Variants in LRMDA observed in about 807,000 individuals in gnomAD.
The protein encoded by LRMDA is leucine rich melanocyte differentiation associated.
In LRMDA, 18 loss-of-function variants were observed where a neutral mutation model predicts 29.8. The observed-to-expected ratio is 0.60, with a 90% CI of 0.42 to 0.90. LRMDA has a LOEUF of 0.90. LRMDA is among the 40% of genes least tolerant of loss of function. The pLI is 0.00. For missense variants in LRMDA, 273 were observed against 273.9 expected (o/e 1.00, Z 0.02); for synonymous variants, 125 against 109.4 (o/e 1.14, Z -0.89).
intron 6 of LRMDA, among the ~76,000 whole-genome samples, chr10:76,359,000 A>G (rs1306718205): frequency 6.6e-6 from 1 of 152,112 alleles, no homozygotes. Flanking sequence ...TCGGCAAGGG[A>G]CAGCATTCCT....
chr10:75,801,876 T>C (rs1396093081), intron 2 of LRMDA, among the ~76,000 whole-genome samples: 1 of 152,192 alleles, frequency 6.6e-6, no homozygotes, highest in Non-Finnish European at 1.5e-5. Context: ...TAAGAGATGA[T>C]GATGATTGAT....
chr10:75,608,108 G>GTA (rs1158936668), intron 2 of LRMDA, among the ~76,000 whole-genome samples: 7 of 88,442 alleles, frequency 7.9e-5, no homozygotes, highest in African/African-American at 1.7e-4. Flanking sequence ...ATTGTAGTGT[G>GTA]TGTATATATA....
intron 2 of LRMDA, among the ~76,000 whole-genome samples, chr10:75,600,895 C>T (rs1014849603): frequency 6.6e-6 from 1 of 152,208 alleles, no homozygotes; most frequent in African/African-American, 2.4e-5. Context: ...CCACCAAGTG[C>T]AGAGAAAATG....
chr10:76,356,266 T>C (rs1246099174), intron 6 of LRMDA, among the ~76,000 whole-genome samples: 1 of 152,164 alleles, frequency 6.6e-6, no homozygotes. Context: ...AATATAACCA[T>C]AGAACGCTAG....
At chr10:75,945,362 A>C (rs932572210) in intron 2 of LRMDA, among the ~76,000 whole-genome samples, 1 of 152,204 alleles carries the variant, frequency 6.6e-6, no homozygotes, top group African/African-American at 2.4e-5. Context: ...CAGACTTTGT[A>C]GCCTTACCCT....
intron 6 of LRMDA, among the ~76,000 whole-genome samples, chr10:76,410,626 A>G (rs2132507809): frequency 6.6e-6 from 1 of 151,908 alleles, no homozygotes; most frequent in African/African-American, 2.4e-5. Flanking sequence ...AAGAAGCTTT[A>G]GGCTGGAGAA....
In LRMDA at chr10:75,789,605, C is replaced by A. The variant is rs187411024; in HGVS notation, c.132-246403C>A. On this transcript the variant is annotated intron_variant, in intron 2 of 6. Coordinates refer to ENST00000611255, the MANE Select transcript of LRMDA (RefSeq NM_001305581.2). ...ATATTATAAATATATTTAAAATCAT[C>A]TTTATGACAATTCAGTTATGTTTCT... Among the ~76,000 whole-genome samples the A allele has an allele frequency of 8.1e-3, 1,236 of 152,294 alleles. 3 individuals are homozygous for A. Among genetic ancestry groups the A allele is most frequent in the Non-Finnish European group, 0.013 (855 of 68,030 alleles).
intron 5 of LRMDA, among the ~76,000 whole-genome samples, chr10:76,069,990 G>A (rs1274604790): frequency 2.6e-5 from 4 of 152,160 alleles, no homozygotes; most frequent in Non-Finnish European, 4.4e-5. Context: ...CCAAGTTTCA[G>A]GGTAATGTTT....
At chr10:76,096,830 C>T (rs1364196479) in intron 5 of LRMDA, among the ~76,000 whole-genome samples, 1 of 152,002 alleles carries the variant, frequency 6.6e-6, no homozygotes, top group East Asian at 1.9e-4. Context: ...TAGATTTGTA[C>T]ATAAATATTG....
chr10:76,024,235 G>T (rs1420395950), intron 2 of LRMDA, among the ~76,000 whole-genome samples: 1 of 152,300 alleles, frequency 6.6e-6, no homozygotes, highest in East Asian at 1.9e-4. Context: ...AACCAGAGAG[G>T]CAGACACAGA....
At chr10:76,237,316 A>T (rs1589388173) in intron 5 of LRMDA, among the ~76,000 whole-genome samples, 2 of 152,092 alleles carry the variant, frequency 1.3e-5, no homozygotes, top group South Asian at 2.1e-4. Context: ...CATAAAAATA[A>T]TTTTTCCCAC....
At chr10:75,594,041 T>C (rs149853246) in intron 2 of LRMDA, among the ~76,000 whole-genome samples, 26 of 152,328 alleles carry the variant, frequency 1.7e-4, no homozygotes, top group Non-Finnish European at 3.5e-4. Flanking sequence ...TTGGGTGAAG[T>C]TGGTCCTTTT....
intron 2 of LRMDA, among the ~76,000 whole-genome samples, chr10:75,620,072 G>T (rs1425469970): frequency 6.6e-6 from 1 of 152,166 alleles, no homozygotes; most frequent in Non-Finnish European, 1.5e-5. Flanking sequence ...TCCTGGGCAA[G>T]CACACTGCGA....
chr10:76,161,757 C>T (rs1407619020), intron 5 of LRMDA, among the ~76,000 whole-genome samples: 2 of 152,110 alleles, frequency 1.3e-5, no homozygotes, highest in African/African-American at 2.4e-5. Flanking sequence ...TGAAGGGGAA[C>T]AAGATAGACC....
chr10:76,555,461 CTAA>C (rs1280403439), intron 6 of LRMDA, among the ~76,000 whole-genome samples: 2 of 152,080 alleles, frequency 1.3e-5, no homozygotes, highest in African/African-American at 4.8e-5. Flanking sequence ...GGAAGTAAAA[CTAA>C]TGAGAGTGAG....
chr10:76,351,799 T>A (rs1841180023), intron 6 of LRMDA, among the ~76,000 whole-genome samples: 1 of 151,988 alleles, frequency 6.6e-6, no homozygotes, highest in African/African-American at 2.4e-5. Flanking sequence ...TAGAGCTCAT[T>A]TGAGGTGCCA....
intron 5 of LRMDA, among the ~76,000 whole-genome samples, chr10:76,166,646 A>G (rs2132186172): frequency 6.6e-6 from 1 of 152,254 alleles, no homozygotes; most frequent in Middle Eastern, 3.4e-3. Flanking sequence ...AGAGGACATG[A>G]TCTTGTTCTT....
At chr10:75,869,604 G>A (rs557179781) in intron 2 of LRMDA, among the ~76,000 whole-genome samples, 1 of 152,274 alleles carries the variant, frequency 6.6e-6, no homozygotes, top group Admixed American at 6.5e-5. Context: ...TCGGTCTGTG[G>A]TGGGAAAACC....
rs186395058 is a variant in LRMDA at position 76,263,806 on chromosome 10, A to G, written c.517-60595A>G. On this transcript the variant is annotated intron_variant, in intron 5 of 6. Coordinates refer to ENST00000611255, the MANE Select transcript of LRMDA (RefSeq NM_001305581.2). ...GTGACCCTGAGAGGGATAAAAGTGTAACCCAGAGGCCCTCCTATGTTACAG... is the reference window on the plus strand; with the variant it reads ...GTGACCCTGAGAGGGATAAAAGTGTGACCCAGAGGCCCTCCTATGTTACAG... Among the ~76,000 whole-genome samples the G allele has an allele frequency of 2.7e-3, 415 of 152,360 alleles. 2 individuals carry two copies. The highest frequency in any genetic ancestry group is 4.3e-3 in the Non-Finnish European group (292 of 68,032).
Sources: gnomAD v4.1 joint callset for allele counts (sites outside exome capture counted in the v4.1 genomes callset) on GRCh38, gnomAD v4.1.1 for gene constraint, MANE v1.5 for transcripts, NCBI Gene and HGNC (gene_info 2026-07-23, HGNC 2026-07-21) for gene names.